Variants in SELP observed in about 807,000 individuals in gnomAD.
SELP encodes selectin P, also known as P-selectin.
SELP carries 92 observed loss-of-function variants against 104.1 expected under a neutral mutation model. The ratio of observed to expected loss-of-function variants is 0.88; its 90% confidence interval spans 0.75 to 1.05. The LOEUF (loss-of-function observed/expected upper bound fraction) is 1.05, where lower values mean the gene tolerates loss of function less well. Among genes scored for constraint, SELP ranks in the 50% least tolerant of loss-of-function variants. SELP has a pLI of 0.00. For missense variants in SELP, 1,022 were observed against 1,017.3 expected (o/e 1.00, Z -0.06); for synonymous variants, 397 against 364.5 (o/e 1.09, Z -1.01).
chr1:169,623,602 A>C (rs1168034157), intron 1 of SELP, among the ~76,000 whole-genome samples: 1 of 152,228 alleles, frequency 6.6e-6, no homozygotes, highest in African/African-American at 2.4e-5. Context: ...GGACTGGTAC[A>C]GTGCTTTTGA....
intron 7 of SELP, 114 bp from the exon 8 acceptor site, chr1:169,609,803 C>CTGT: frequency 1.0e-6 from 1 of 952,540 alleles, no homozygotes; most frequent in Non-Finnish European, 1.5e-6. Flanking sequence ...TGTTCAGAAC[C>CTGT]CTAAAACCTC....
At chr1:169,605,157 AAG>A (rs2101890149) in intron 9 of SELP, among the ~76,000 whole-genome samples, 1 of 152,322 alleles carries the variant, frequency 6.6e-6, no homozygotes, top group South Asian at 2.1e-4. Context: ...GCTTGCCTGT[AAG>A]AGTTTCAATC....
At chr1:169,610,787 CAAACAAACA>C (rs1662485567) in intron 7 of SELP, among the ~76,000 whole-genome samples, 2 of 79,916 alleles carry the variant, frequency 2.5e-5, no homozygotes, top group South Asian at 7.9e-4. Flanking sequence ...TCAAAACAAA[CAAACAAACA>C]AACAAACAAA....
intron 3 of SELP, 77 bp downstream of exon 3, chr1:169,616,951 G>A (rs1211426913): frequency 6.0e-5 from 88 of 1,458,540 alleles, no homozygotes; most frequent in Non-Finnish European, 7.6e-5. Flanking sequence ...TGTTGACTCG[G>A]TGGTTATGTT....
Position 169,594,580 on chromosome 1 carries a change from G to C in SELP, c.2287+112C>G, listed in dbSNP as rs546755660. On this transcript the variant is annotated intron_variant, in intron 13 of 16. Coordinates refer to ENST00000263686, the MANE Select transcript of SELP (RefSeq NM_003005.4). ...CATTGTGAAACACTTATTAAGCAGG[G>C]GGAAACCCGGGGATGGAAAGCAAGA... The C allele has an allele frequency of 6.9e-6, 7 of 1,009,970 alleles. No homozygotes were observed. The South Asian group carries it at 1.1e-4, about 16-fold the overall frequency. The allele number at this position is 1,009,970 out of a possible 1,614,324, so 62.6% of individuals were successfully genotyped here. A position where few individuals can be genotyped will look rare whatever the true frequency, so the allele number is the denominator to read the frequency against.
At position 169,617,009 on chromosome 1, in the gene SELP, A is replaced by G. The variant is rs200878351; in HGVS notation, c.481+19T>C. ...TTTTTTTTTTTAACAGGAAAGTTTC[A>G]AAGTAGAGAAGGCCCTACCTGTGTA... is the stretch of plus-strand genomic sequence containing the variant. On this transcript the variant is annotated intron_variant, in intron 3 of 16. Transcript: ENST00000263686. 6.5e-7 allele frequency: 1 copy of G among 1,535,348 alleles called. No individual in the cohort carries two copies. Among genetic ancestry groups the G allele is most frequent in the South Asian group, 1.3e-5 (1 of 79,266 alleles).
intron 11 of SELP, 92 bp downstream of exon 11, chr1:169,596,899 T>G (rs1661642840): frequency 8.6e-7 from 1 of 1,160,740 alleles, no homozygotes; most frequent in Admixed American, 2.6e-5. Context: ...TATATACAAT[T>G]ATCTAGTTCA....
chr1:169,610,579 T>A (rs1000603524), intron 7 of SELP, among the ~76,000 whole-genome samples: 4 of 152,058 alleles, frequency 2.6e-5, no homozygotes, highest in African/African-American at 9.7e-5. Context: ...AGTGAATCAC[T>A]TGAGGTCGGG....
chr1:169,616,716 A>G (rs1662830188), intron 3 of SELP, among the ~76,000 whole-genome samples: 1 of 152,142 alleles, frequency 6.6e-6, no homozygotes, highest in Admixed American at 6.5e-5. Flanking sequence ...TCTGGTCCTC[A>G]CTTTGCTTCT....
chr1:169,609,620 A>G lies in SELP; in HGVS notation c.1217T>C (p.Phe406Ser), dbSNP rs1662392975. Reference protein sequence around the residue: ...SMDCSPSLRAFQYDTNCSFRC... With the variant: ...SMDCSPSLRASQYDTNCSFRC... ...GAAGCTACAGTTGGTGTCATACTGA[A>G]ACGCTCTCAAGGATGGAGAGCAATC... The change falls in exon 8 of 17, where the codon TTT becomes TCT. Residue 406 changes from phenylalanine to serine, a missense_variant. Coordinates refer to ENST00000263686, the MANE Select transcript of SELP (RefSeq NM_003005.4). 1 of 1,614,070 alleles carries G rather than the reference A, an allele frequency of 6.2e-7. No individual in the cohort carries two copies. Among genetic ancestry groups the G allele is most frequent in the Non-Finnish European group, 8.5e-7 (1 of 1,179,972 alleles).
intron 3 of SELP, among the ~76,000 whole-genome samples, chr1:169,614,861 T>C (rs1662729341): frequency 6.6e-6 from 1 of 152,166 alleles, no homozygotes; most frequent in South Asian, 2.1e-4. Context: ...ACAGGTTTGG[T>C]CCACATCCTA....
chr1:169,598,054 A>G (rs1451287287), intron 10 of SELP, among the ~76,000 whole-genome samples: 2 of 152,228 alleles, frequency 1.3e-5, no homozygotes, highest in Admixed American at 6.5e-5. Flanking sequence ...TGAGTCTTCC[A>G]TAACTCCCAT....
At chr1:169,619,020 T>C (rs1662962740) in intron 2 of SELP, 109 bp downstream of exon 2, 1 of 805,854 alleles carries the variant, frequency 1.2e-6, no homozygotes, top group Non-Finnish European at 2.0e-6. Flanking sequence ...ACTTGGACAG[T>C]TTTCCCATGC....
intron 11 of SELP, among the ~76,000 whole-genome samples, chr1:169,596,591 A>G (rs1661624774): frequency 6.6e-6 from 1 of 152,232 alleles, no homozygotes; most frequent in South Asian, 2.1e-4. Flanking sequence ...TGATCCCACC[A>G]GCTTTGTCAT....
intron 11 of SELP, 133 bp downstream of exon 11, chr1:169,596,858 T>G: frequency 1.5e-6 from 1 of 682,148 alleles, no homozygotes; most frequent in South Asian, 3.8e-5. Flanking sequence ...TTAAAATCCT[T>G]CAGCTGTTTG....
intron 5 of SELP, 44 bp downstream of exon 5, chr1:169,612,884 CA>C (rs1662614354): frequency 6.7e-7 from 1 of 1,488,894 alleles, no homozygotes; most frequent in Non-Finnish European, 9.0e-7. Flanking sequence ...TCTTCTCCCC[CA>C]AAATTCTATG....
intron 10 of SELP, among the ~76,000 whole-genome samples, chr1:169,602,736 C>T (rs1269238662): frequency 2.6e-5 from 4 of 152,092 alleles, no homozygotes; most frequent in African/African-American, 9.7e-5. Context: ...CTCAGCCTCC[C>T]GAGTAGCTGG....
At chr1:169,596,748 G>T (rs532296224) in intron 11 of SELP, among the ~76,000 whole-genome samples, 1 of 151,990 alleles carries the variant, frequency 6.6e-6, no homozygotes, top group Non-Finnish European at 1.5e-5. Flanking sequence ...ACTCAACAAA[G>T]CTCTTTCAAA....
At position 169,590,825 on chromosome 1, in the gene SELP, G is replaced by T. The variant is rs533779381; in HGVS notation, c.2438+601C>A. Reference sequence around the variant, plus strand: ...ATTGCTAGATTATAAATAGCAAGGGGTACAGGACACAAAAGAATTGTCCAA... The same window carrying T: ...ATTGCTAGATTATAAATAGCAAGGGTTACAGGACACAAAAGAATTGTCCAA... On this transcript the variant is annotated intron_variant, in intron 15 of 16. Transcript: ENST00000263686. Among the ~76,000 whole-genome samples, 5 of 152,284 alleles carry T rather than the reference G, an allele frequency of 3.3e-5. No homozygotes were observed. In the South Asian group the frequency reaches 1.0e-3, roughly 32 times the overall value.
Sources: allele counts gnomAD v4.1 joint callset (sites outside exome capture counted in the v4.1 genomes callset), GRCh38; gene constraint gnomAD v4.1.1; transcripts MANE v1.5; gene names NCBI Gene and HGNC (gene_info 2026-07-23, HGNC 2026-07-21).